WDR41: variants seen among roughly 807,000 people sequenced by gnomAD.
WDR41 encodes the protein WD repeat domain 41, also known as WD repeat-containing protein 41.
In WDR41, 63 loss-of-function variants were observed where a neutral mutation model predicts 69.3. The ratio of observed to expected loss-of-function variants is 0.91; its 90% confidence interval spans 0.74 to 1.12. The LOEUF (loss-of-function observed/expected upper bound fraction) is 1.12, where lower values mean the gene tolerates loss of function less well. WDR41 is among the 50% of genes most tolerant of loss of function. WDR41 has a pLI of 0.00. For missense variants in WDR41, 543 were observed against 534.5 expected (o/e 1.02, Z -0.16); for synonymous variants, 185 against 192.1 (o/e 0.96, Z 0.31).
At chr5:77,608,480 A>G (rs1017784830) in intron 1 of WDR41, among the ~76,000 whole-genome samples, 1 of 152,216 alleles carries the variant, frequency 6.6e-6, no homozygotes, top group African/African-American at 2.4e-5. Flanking sequence ...TGTCCCATGT[A>G]GATATTTAAA....
intron 12 of WDR41, among the ~76,000 whole-genome samples, chr5:77,434,867 A>G (rs1798879039): frequency 6.6e-6 from 1 of 152,056 alleles, no homozygotes; most frequent in Admixed American, 6.5e-5. Context: ...GCCACATTCA[A>G]ACACATTTTG....
intron 2 of WDR41, among the ~76,000 whole-genome samples, chr5:77,483,420 T>C (rs929499991): frequency 2.0e-5 from 3 of 151,964 alleles, no homozygotes; most frequent in African/African-American, 7.3e-5. Context: ...ATTACAGGGC[T>C]GAGTCACCGT....
In WDR41 at chr5:77,433,024, G is replaced by A; in HGVS notation, c.*111C>T. On this transcript the variant is annotated 3_prime_UTR_variant, in exon 13 of 13. Transcript: ENST00000296679. The stretch of plus-strand genomic sequence containing the variant: ...AAATTTAAACATGTAGAATTTTATG[G>A]ACTGACAAAAAAAATTACCAATTTA... The A allele has an allele frequency of 1.6e-6, 2 of 1,265,652 alleles. No individual in the cohort carries two copies. The highest frequency in any genetic ancestry group is 2.1e-6 in the Non-Finnish European group (2 of 936,728). The allele number at this position is 1,265,652 out of a possible 1,614,324, so 78.4% of individuals were successfully genotyped here. A position where few individuals can be genotyped will look rare whatever the true frequency, so the allele number is the denominator to read the frequency against.
At chr5:77,475,350 G>T (rs1442418917) in intron 2 of WDR41, among the ~76,000 whole-genome samples, 1 of 152,208 alleles carries the variant, frequency 6.6e-6, no homozygotes, top group African/African-American at 2.4e-5. Flanking sequence ...GCCTCTGTAG[G>T]CTCCACCTCT....
At chr5:77,599,287 G>A (rs571577656) in intron 1 of WDR41, among the ~76,000 whole-genome samples, 16 of 129,976 alleles carry the variant, frequency 1.2e-4, no homozygotes, top group South Asian at 1.1e-3. Context: ...TGCAACCTCC[G>A]CCTCTGGGGA....
intron 1 of WDR41, among the ~76,000 whole-genome samples, chr5:77,595,811 C>T (rs933100756): frequency 5.3e-5 from 8 of 151,978 alleles, no homozygotes; most frequent in African/African-American, 9.7e-5. Context: ...CTCTTTCATC[C>T]GTGGCGTCCT....
chr5:77,446,616 A>T (rs1432575581), intron 8 of WDR41, among the ~76,000 whole-genome samples: 1 of 152,170 alleles, frequency 6.6e-6, no homozygotes, highest in Non-Finnish European at 1.5e-5. Context: ...CTCAGAAATA[A>T]CACCACACAT....
chr5:77,600,569 A>G (rs1245744472), intron 1 of WDR41, among the ~76,000 whole-genome samples: 3 of 152,176 alleles, frequency 2.0e-5, no homozygotes, highest in Non-Finnish European at 4.4e-5. Context: ...TCTAAAAAAA[A>G]TTTTACTATG....
At chr5:77,513,749 G>A (rs1463803407) in intron 1 of WDR41, among the ~76,000 whole-genome samples, 1 of 152,054 alleles carries the variant, frequency 6.6e-6, no homozygotes, top group Admixed American at 6.6e-5. Flanking sequence ...CAGCTTTTAA[G>A]CCTGCTTTTT....
chr5:77,523,357 C>CTGA (rs1802400973), intron 1 of WDR41, among the ~76,000 whole-genome samples: 1 of 151,808 alleles, frequency 6.6e-6, no homozygotes, highest in African/African-American at 2.4e-5. Flanking sequence ...ACTTTTCACT[C>CTGA]CTTAATAATT....
chr5:77,476,943 G>C (rs1267220029), intron 2 of WDR41, among the ~76,000 whole-genome samples: 1 of 145,254 alleles, frequency 6.9e-6, no homozygotes, highest in Non-Finnish European at 1.5e-5. Context: ...CACGTGCAGA[G>C]ACACACATAG....
intron 1 of WDR41, among the ~76,000 whole-genome samples, chr5:77,590,991 T>G (rs763087241): frequency 1.3e-5 from 2 of 152,158 alleles, no homozygotes; most frequent in Non-Finnish European, 2.9e-5. Flanking sequence ...GAAATAAATG[T>G]TTGGAAGAAT....
Position 77,451,313 on chromosome 5 carries a change from C to T in WDR41, c.564G>A (p.Val188=), listed in dbSNP as rs769387987. The change falls in exon 7 of 13, where the codon GTG becomes GTA. Residue 188 remains valine (V), a synonymous_variant. Transcript: ENST00000296679. ...CACTCAGTTCTTTGCCAACTGCTGC[C>T]ACAACACAGTTCTTAGGTATTTCAA... The part of the protein sequence containing the change: ...ALVEIPKNCV[V]AAVGKELIIF... 1.2e-6 allele frequency: 2 copies of T among 1,613,572 alleles called. No individual in the cohort carries two copies. The highest frequency in any genetic ancestry group is 2.7e-5 in the African/African-American group (2 of 74,886).
chr5:77,597,451 G>A (rs1323385779), intron 1 of WDR41, among the ~76,000 whole-genome samples: 1 of 152,164 alleles, frequency 6.6e-6, no homozygotes, highest in East Asian at 1.9e-4. Context: ...TCTGAGTTTG[G>A]CCCTCAGTAA....
intron 1 of WDR41, among the ~76,000 whole-genome samples, chr5:77,607,714 T>C (rs1744449486): frequency 6.6e-6 from 1 of 152,262 alleles, no homozygotes; most frequent in South Asian, 2.1e-4. Context: ...TGTAAATTTC[T>C]TTAATAATAT....
intron 5 of WDR41, 39 bp downstream of exon 5, chr5:77,459,023 T>C (rs373157318): frequency 1.8e-4 from 260 of 1,431,900 alleles, no homozygotes; most frequent in Middle Eastern, 1.4e-3. Context: ...GAGACAAAAA[T>C]AGATTGTCAT....
chr5:77,561,815 T>A (rs965234567), intron 1 of WDR41, among the ~76,000 whole-genome samples: 1 of 152,178 alleles, frequency 6.6e-6, no homozygotes, highest in Non-Finnish European at 1.5e-5. Context: ...TAAAAACACA[T>A]GTGTTTTCTT....
intron 1 of WDR41, among the ~76,000 whole-genome samples, chr5:77,508,288 T>C (rs1273312570): frequency 1.3e-5 from 2 of 152,126 alleles, no homozygotes; most frequent in East Asian, 1.9e-4. Context: ...GCCCAGCTAA[T>C]TTTTTGTAGC....
chr5:77,601,123 T>C (rs528641252), intron 1 of WDR41, among the ~76,000 whole-genome samples: 1 of 152,202 alleles, frequency 6.6e-6, no homozygotes, highest in East Asian at 1.9e-4. Flanking sequence ...AAAGGAATTA[T>C]AACTGAAGGC....
Sources: allele counts gnomAD v4.1 joint callset (sites outside exome capture counted in the v4.1 genomes callset), GRCh38; gene constraint gnomAD v4.1.1; transcripts MANE v1.5; gene names NCBI Gene and HGNC (gene_info 2026-07-23, HGNC 2026-07-21).